Variants in CCDC148 observed in about 807,000 individuals in gnomAD.
CCDC148 encodes the protein coiled-coil domain-containing protein 148.
A neutral mutation model predicts 85.7 loss-of-function variants in CCDC148; 89 were observed. The observed-to-expected ratio is 1.04, with a 90% CI of 0.87 to 1.24. The LOEUF (loss-of-function observed/expected upper bound fraction) is 1.24, where lower values mean the gene tolerates loss of function less well. CCDC148 is among the 50% of genes most tolerant of loss of function. CCDC148 has a pLI of 0.00. For missense variants in CCDC148, 692 were observed against 671.7 expected, an observed-to-expected ratio of 1.03 and a Z score of -0.33; for synonymous variants, 230 against 213.9, an observed-to-expected ratio of 1.08 and a Z score of -0.66.
chr2:158,375,232 A>G (rs1684605768), intron 1 of CCDC148, among the ~76,000 whole-genome samples: 1 of 152,046 alleles, frequency 6.6e-6, no homozygotes, highest in Non-Finnish European at 1.5e-5. Flanking sequence ...TGACCCTACC[A>G]AGTCATACAA....
Position 158,340,223 on chromosome 2 carries a change from A to T in CCDC148, c.486+19T>A, listed in dbSNP as rs1368733662. On this transcript the variant is annotated intron_variant, in intron 5 of 13. Transcript: ENST00000283233. ...AAAATGAAATATTACATTATGGAAA[A>T]TAAAGGTAACATACTAACCTCTTCC... 1 of 1,607,116 alleles carries T rather than the reference A, an allele frequency of 6.2e-7. No homozygotes were observed. The highest frequency in any genetic ancestry group is 1.1e-5 in the South Asian group (1 of 90,142).
intron 1 of CCDC148, among the ~76,000 whole-genome samples, chr2:158,421,683 A>C (rs182424506): frequency 5.4e-4 from 83 of 152,334 alleles, no homozygotes; most frequent in African/African-American, 1.9e-3. Flanking sequence ...AAAGAACTCA[A>C]GAAGCAAGAG....
chr2:158,262,606 C>G (rs943355685), intron 9 of CCDC148, among the ~76,000 whole-genome samples: 9 of 151,900 alleles, frequency 5.9e-5, no homozygotes, highest in African/African-American at 2.2e-4. Context: ...AGGGAGGCCT[C>G]AGGAAACTTA....
chr2:158,411,948 C>G (rs1320070069), intron 1 of CCDC148, among the ~76,000 whole-genome samples: 2 of 152,134 alleles, frequency 1.3e-5, no homozygotes, highest in Non-Finnish European at 2.9e-5. Flanking sequence ...GTGTACATCA[C>G]TGCTGGGGCT....
rs563532009 is a variant in CCDC148 at position 158,216,887 on chromosome 2, A to G, written c.1370+3708T>C. On this transcript the variant is annotated intron_variant, in intron 11 of 13. Transcript: ENST00000283233. ...GCAGTGAATGTGTTACATTCAATGT[A>G]TCATTTGATCCTTGCAACAATCTTA... Among the ~76,000 whole-genome samples, 148 of 152,284 alleles carry G rather than the reference A, an allele frequency of 9.7e-4. 5 individuals carry two copies. In the South Asian group the frequency reaches 0.016, roughly 16 times the overall value.
intron 9 of CCDC148, among the ~76,000 whole-genome samples, chr2:158,308,245 A>G (rs1691792419): frequency 6.6e-6 from 1 of 152,256 alleles, no homozygotes; most frequent in African/African-American, 2.4e-5. Flanking sequence ...GGAAAATATC[A>G]ATTTCAGCAT....
intron 9 of CCDC148, among the ~76,000 whole-genome samples, chr2:158,268,421 C>T (rs1026368435): frequency 2.6e-5 from 4 of 152,068 alleles, no homozygotes; most frequent in African/African-American, 9.7e-5. Flanking sequence ...CATCTCACGT[C>T]CTCTATACCA....
intron 1 of CCDC148, among the ~76,000 whole-genome samples, chr2:158,365,087 AAATCAAAACCAC>A (rs1684137467): frequency 1.3e-5 from 2 of 152,226 alleles, no homozygotes; most frequent in East Asian, 3.9e-4. Context: ...AGAGAAATCC[AAATCAAAACCAC>A]AATGAGATAC....
At chr2:158,361,630 A>AT (rs1199663878) in intron 1 of CCDC148, among the ~76,000 whole-genome samples, 1 of 152,196 alleles carries the variant, frequency 6.6e-6, no homozygotes, top group African/African-American at 2.4e-5. Flanking sequence ...ATGCTGAGAG[A>AT]TTTTGTCACC....
intron 9 of CCDC148, among the ~76,000 whole-genome samples, chr2:158,300,902 T>G (rs1232876270): frequency 6.6e-6 from 1 of 152,168 alleles, no homozygotes; most frequent in Admixed American, 6.5e-5. Context: ...CAGACTGAAC[T>G]GAAGTGCAGT....
At chr2:158,421,153 C>T (rs192117538) in intron 1 of CCDC148, among the ~76,000 whole-genome samples, 103 of 152,092 alleles carry the variant, frequency 6.8e-4, no homozygotes, top group African/African-American at 2.4e-3. Context: ...ACTTTAACAC[C>T]CCACTGTCAA....
At chr2:158,237,790 GA>G (rs1316869592) in intron 10 of CCDC148, among the ~76,000 whole-genome samples, 2 of 152,120 alleles carry the variant, frequency 1.3e-5, no homozygotes, top group African/African-American at 2.4e-5. Context: ...ATACTGAGAG[GA>G]CTGACCCCCA....
chr2:158,338,541 T>C (rs1682504570), intron 7 of CCDC148, 185 bp downstream of exon 7: 1 of 502,944 alleles, frequency 2.0e-6, no homozygotes, highest in Non-Finnish European at 3.4e-6. Context: ...TTAAGAACTA[T>C]TATGTCAAGA....
intron 1 of CCDC148, among the ~76,000 whole-genome samples, chr2:158,393,924 A>G (rs1333570166): frequency 6.6e-6 from 1 of 152,152 alleles, no homozygotes; most frequent in Non-Finnish European, 1.5e-5. Flanking sequence ...GAATAATTAT[A>G]TAACAAATTT....
rs115411778 is a variant in CCDC148 at position 158,205,850 on chromosome 2, C to T, written c.1370+14745G>A. On this transcript the variant is annotated intron_variant, in intron 11 of 13. Coordinates refer to ENST00000283233, the MANE Select transcript of CCDC148 (RefSeq NM_138803.4). Reference sequence around the variant, plus strand: ...ACTTGTCCTTGATGCAGAGGGTTCACTGGTGCCCCGGTGTATTCTGGGTAA... The same window carrying T: ...ACTTGTCCTTGATGCAGAGGGTTCATTGGTGCCCCGGTGTATTCTGGGTAA... Among the ~76,000 whole-genome samples the T allele has an allele frequency of 5.3e-3, 804 of 152,238 alleles. 5 individuals are homozygous for T. Among genetic ancestry groups the T allele is most frequent in the African/African-American group, 0.017 (713 of 41,550 alleles).
chr2:158,180,001 T>A (rs1684813124), intron 11 of CCDC148, among the ~76,000 whole-genome samples: 1 of 152,180 alleles, frequency 6.6e-6, no homozygotes, highest in African/African-American at 2.4e-5. Flanking sequence ...TCCCTTGCCA[T>A]CTCCTTGCCC....
chr2:158,240,490 A>C (rs1057043728), intron 10 of CCDC148, among the ~76,000 whole-genome samples: 56 of 139,798 alleles, frequency 4.0e-4, no homozygotes, highest in Admixed American at 8.5e-4. Context: ...ACACACACAC[A>C]CCTCTTTAAA....
At chr2:158,240,420 T>G (rs1688296887) in intron 10 of CCDC148, among the ~76,000 whole-genome samples, 1 of 140,374 alleles carries the variant, frequency 7.1e-6, no homozygotes, top group Non-Finnish European at 1.5e-5. Context: ...GGGATCCAGT[T>G]AGATCACTCT....
chr2:158,309,280 A>T (rs535701929), intron 9 of CCDC148, among the ~76,000 whole-genome samples, 153 bp downstream of exon 9: 1 of 152,348 alleles, frequency 6.6e-6, no homozygotes, highest in South Asian at 2.1e-4. Flanking sequence ...TGACCTAAAA[A>T]ATGCAATTTT....
Sources: allele counts gnomAD v4.1 joint callset (sites outside exome capture counted in the v4.1 genomes callset), GRCh38; gene constraint gnomAD v4.1.1; transcripts MANE v1.5; gene names NCBI Gene and HGNC (gene_info 2026-07-23, HGNC 2026-07-21).